Variants in PAPPA2 observed in about 807,000 individuals in gnomAD.
The protein encoded by PAPPA2 is pappalysin-2.
In PAPPA2, 86 loss-of-function variants were observed where a neutral mutation model predicts 176.4. That is an observed-to-expected ratio of 0.49 (90% CI 0.41 to 0.58). PAPPA2 has a LOEUF of 0.58. Ranked by LOEUF, PAPPA2 falls within the 20% of genes least tolerant of loss-of-function variation. The pLI, the probability that PAPPA2 is intolerant of heterozygous loss-of-function variation, is 0.00. For synonymous variants in PAPPA2, 809 were observed against 852.2 expected, an observed-to-expected ratio of 0.95 and a Z score of 0.88; for missense variants, 2,073 against 2,256.9, an observed-to-expected ratio of 0.92 and a Z score of 1.65.
intron 1 of PAPPA2, among the ~76,000 whole-genome samples, chr1:176,495,542 A>C (rs558114051): frequency 6.6e-6 from 1 of 151,782 alleles, no homozygotes; most frequent in Non-Finnish European, 1.5e-5. Context: ...TGTTTCAAAA[A>C]AAAAAAAAAA....
At position 176,518,940 on chromosome 1, in the gene PAPPA2, G is replaced by A. The variant is rs188652885; in HGVS notation, c.-916-36467G>A. 7.2e-4 allele frequency among the ~76,000 whole-genome samples: 109 copies of A among 152,284 alleles called. 1 individual carries two copies. In the East Asian group the frequency reaches 0.019, roughly 27 times the overall value. On this transcript the variant is annotated intron_variant, in intron 1 of 22. Coordinates refer to ENST00000367662, the MANE Select transcript of PAPPA2 (RefSeq NM_020318.3). ...ACTGCTATATCAGAATGAGGTAAAT[G>A]TTCACATATGTCGTTCTAGAGAGTG...
chr1:176,706,109 G>T (rs974646098), intron 9 of PAPPA2, among the ~76,000 whole-genome samples: 1 of 152,102 alleles, frequency 6.6e-6, no homozygotes, highest in Admixed American at 6.6e-5. Flanking sequence ...TGAGCCATGA[G>T]CTACTTAACT....
chr1:176,734,606 A>G (rs760650851), intron 12 of PAPPA2, among the ~76,000 whole-genome samples: 1 of 152,056 alleles, frequency 6.6e-6, no homozygotes, highest in African/African-American at 2.4e-5. Context: ...ATGGCAGCTC[A>G]GTGCCTTATA....
Position 176,595,306 on chromosome 1 carries a change from A to G in PAPPA2, c.1702A>G (p.Ser568Gly), listed in dbSNP as rs1653909452. Residue 568 changes from serine to glycine, a missense_variant, in exon 3 of 23, where the codon AGC becomes GGC. Physicochemically the swap from Ser to Gly is moderately conservative, Grantham distance 56 (BLOSUM62 0). Coordinates refer to ENST00000367662, the MANE Select transcript of PAPPA2 (RefSeq NM_020318.3). The stretch of plus-strand genomic sequence containing the variant: ...CCGCTACAACATCAGCTGGCAGCTG[A>G]GCGTCCACCAGGTCCACAATTCCAC... ...FSRYNISWQL[S>G]VHQVHNSTLR... is the part of the protein sequence containing the mutation. The G allele has an allele frequency of 3.1e-6, 5 of 1,614,070 alleles. No homozygotes were observed. The South Asian group carries it at 4.4e-5, about 14-fold the overall frequency.
rs1218397155 is a variant in PAPPA2 at position 176,711,994 on chromosome 1, A to C, written c.3798+13A>C. 4.4e-6 allele frequency: 7 copies of C among 1,604,318 alleles called. No individual in the cohort carries two copies. The highest frequency in any genetic ancestry group is 5.1e-6 in the Non-Finnish European group (6 of 1,172,294). ...GGTTTGGCTCAAAGTAAGTGGCCCA[A>C]ATGTTTCTTTTGTGCATGTGAAAGG... On this transcript the variant is annotated intron_variant, in intron 12 of 22. Transcript: ENST00000367662.
chr1:176,797,561 C>A (rs1665500729), intron 20 of PAPPA2, among the ~76,000 whole-genome samples: 1 of 152,086 alleles, frequency 6.6e-6, no homozygotes, highest in African/African-American at 2.4e-5. Context: ...GCAGGAGAAT[C>A]ACTTGAGCCC....
At chr1:176,719,332 A>G (rs1247364759) in intron 12 of PAPPA2, among the ~76,000 whole-genome samples, 3 of 152,182 alleles carry the variant, frequency 2.0e-5, no homozygotes, top group African/African-American at 7.2e-5. Flanking sequence ...ATGAAGAAAT[A>G]AAGTGTTTCC....
At chr1:176,666,744 A>G (rs1299338354) in intron 3 of PAPPA2, among the ~76,000 whole-genome samples, 1 of 152,030 alleles carries the variant, frequency 6.6e-6, no homozygotes, top group Non-Finnish European at 1.5e-5. Flanking sequence ...AATTGAGGTG[A>G]GAGGAGCAAA....
intron 2 of PAPPA2, among the ~76,000 whole-genome samples, chr1:176,590,979 A>G (rs886506591): frequency 6.6e-6 from 1 of 152,112 alleles, no homozygotes; most frequent in African/African-American, 2.4e-5. Context: ...GGATGGTTTT[A>G]CCACTTAAAT....
At chr1:176,816,152 G>GTATATATATA (rs373739173) in intron 21 of PAPPA2, among the ~76,000 whole-genome samples, 43 of 42,280 alleles carry the variant, frequency 1.0e-3, no homozygotes, top group Non-Finnish European at 1.5e-3. Context: ...CTTTCACAGT[G>GTATATATATA]TATATATATA....
intron 14 of PAPPA2, among the ~76,000 whole-genome samples, chr1:176,744,311 A>AT (rs1296243846): frequency 6.6e-6 from 1 of 151,848 alleles, no homozygotes; most frequent in Non-Finnish European, 1.5e-5. Context: ...CCTTTCTTTT[A>AT]TTTTTAACCT....
At chr1:176,466,540 G>A (rs1259796714) in intron 1 of PAPPA2, among the ~76,000 whole-genome samples, 2 of 152,096 alleles carry the variant, frequency 1.3e-5, no homozygotes, top group Non-Finnish European at 2.9e-5. Flanking sequence ...TGATAAAGAG[G>A]AACCATACTT....
At chr1:176,727,307 C>CTGTTTATGAAACACAAAACACAAAAGTG (rs1371129318) in intron 12 of PAPPA2, among the ~76,000 whole-genome samples, 3 of 151,940 alleles carry the variant, frequency 2.0e-5, no homozygotes, top group African/African-American at 7.2e-5. Flanking sequence ...AGTTACAAAA[C>CTGTTTATGAAACACAAAACACAAAAGTG]TGTTTATGAA....
rs775641571 is a variant in PAPPA2 at position 176,740,007 on chromosome 1, A to G, written c.3962A>G (p.Asn1321Ser). The change falls in exon 14 of 23, where the codon AAT becomes AGT. Residue 1321 changes from asparagine to serine, a missense_variant. By Grantham distance (46) the Asn-to-Ser change is conservative (BLOSUM62 1). Coordinates refer to ENST00000367662, the MANE Select transcript of PAPPA2 (RefSeq NM_020318.3). ...LGTYGLSCQH[N>S]PLIINVTHHQ... ...ACCTATGGACTGTCATGCCAGCATA[A>G]TCCACTGATTATCAATGTGACCCAT... 10 of 1,613,926 alleles carry G rather than the reference A, an allele frequency of 6.2e-6. No individual in the cohort carries two copies. Among genetic ancestry groups the G allele is most frequent in the Non-Finnish European group, 7.6e-6 (9 of 1,179,856 alleles).
chr1:176,620,204 T>C (rs1405932714), intron 3 of PAPPA2, among the ~76,000 whole-genome samples: 1 of 152,180 alleles, frequency 6.6e-6, no homozygotes, highest in East Asian at 1.9e-4. Flanking sequence ...ATTTCATTCA[T>C]GATCTAATCA....
At chr1:176,652,654 T>C (rs772284719) in intron 3 of PAPPA2, among the ~76,000 whole-genome samples, 51 of 151,826 alleles carry the variant, frequency 3.4e-4, no homozygotes, top group Non-Finnish European at 5.9e-4. Context: ...CTCTTCATTG[T>C]CTCTGGCTGT....
At chr1:176,680,306 G>A (rs1016329994) in intron 4 of PAPPA2, among the ~76,000 whole-genome samples, 2 of 152,056 alleles carry the variant, frequency 1.3e-5, no homozygotes, top group African/African-American at 2.4e-5. Flanking sequence ...TATAAATAGC[G>A]AGTGTTCATT....
At chr1:176,500,210 C>T (rs1647876146) in intron 1 of PAPPA2, among the ~76,000 whole-genome samples, 1 of 152,046 alleles carries the variant, frequency 6.6e-6, no homozygotes. Flanking sequence ...TTTCCCACAT[C>T]TCTGAAATTG....
chr1:176,725,533 A>G (rs1294791960), intron 12 of PAPPA2, among the ~76,000 whole-genome samples: 1 of 152,234 alleles, frequency 6.6e-6, no homozygotes, highest in Non-Finnish European at 1.5e-5. Context: ...TTACAAAAAT[A>G]TGATAGAAGA....
Sources: gnomAD v4.1 joint callset for allele counts (sites outside exome capture counted in the v4.1 genomes callset) on GRCh38, gnomAD v4.1.1 for gene constraint, MANE v1.5 for transcripts, NCBI Gene and HGNC (gene_info 2026-07-23, HGNC 2026-07-21) for gene names.